SOX5: variants seen among roughly 807,000 people sequenced by gnomAD.
The protein encoded by SOX5 is transcription factor SOX-5.
Under a neutral mutation model 92.0 loss-of-function variants are expected in SOX5, and 9 were observed. The ratio of observed to expected loss-of-function variants is 0.10; its 90% CI spans 0.06 to 0.17. The LOEUF (loss-of-function observed/expected upper bound fraction) is 0.17. Among genes scored for constraint, SOX5 ranks in the 10% least tolerant of loss-of-function variants. The pLI, the probability that SOX5 is intolerant of heterozygous loss-of-function variation, is 1.00. For synonymous variants in SOX5, 344 were observed against 336.3 expected, an observed-to-expected ratio of 1.02 and a Z score of -0.25; for missense variants, 642 against 944.5, an observed-to-expected ratio of 0.68 and a Z score of 4.20.
Position 23,949,656 on chromosome 12 carries a change from C to T in SOX5, c.-55G>A. On this transcript the variant is annotated 5_prime_UTR_variant, in exon 1 of 15. Transcript: ENST00000451604. ...AGCAGCCACCTATGATCGTCTCCAA[C>T]TGAACCTGTCAAGTGAGTCCAAACC... The T allele has an allele frequency of 6.2e-7, 1 of 1,613,716 alleles. No homozygotes were observed.
intron 3 of SOX5, among the ~76,000 whole-genome samples, chr12:23,777,252 A>G (rs1393795844): frequency 1.3e-5 from 2 of 152,244 alleles, no homozygotes; most frequent in Non-Finnish European, 1.5e-5. Context: ...TAATTACAGT[A>G]AAAGAAATGA....
At chr12:24,021,700 C>A (rs1261574152) in intron 4 of SOX5, among the ~76,000 whole-genome samples, 1 of 152,092 alleles carries the variant, frequency 6.6e-6, no homozygotes, top group Non-Finnish European at 1.5e-5. Context: ...GAATGTAATC[C>A]TTCTATGAGA....
intron 1 of SOX5, among the ~76,000 whole-genome samples, chr12:24,555,458 T>A (rs1468100362): frequency 6.6e-6 from 1 of 152,254 alleles, no homozygotes; most frequent in Non-Finnish European, 1.5e-5. Context: ...TCCAATTATA[T>A]GAAATATCCA....
chr12:24,265,522 C>T (rs1170464473), intron 3 of SOX5, among the ~76,000 whole-genome samples: 1 of 151,846 alleles, frequency 6.6e-6, no homozygotes, highest in African/African-American at 2.4e-5. Flanking sequence ...CCAGCCTGGG[C>T]AACAGAGTGA....
At chr12:23,732,212 GA>G (rs143562392) in intron 6 of SOX5, among the ~76,000 whole-genome samples, 4 of 152,034 alleles carry the variant, frequency 2.6e-5, no homozygotes, top group African/African-American at 4.8e-5. Context: ...GAAAAGGGAA[GA>G]AAAAACATTC....
chr12:24,096,171 G>T (rs967339362), intron 4 of SOX5, among the ~76,000 whole-genome samples: 1 of 151,962 alleles, frequency 6.6e-6, no homozygotes. Flanking sequence ...AGAACATGCA[G>T]GTTTGTTATA....
chr12:24,418,708 T>C (rs966275577), intron 1 of SOX5, among the ~76,000 whole-genome samples: 1 of 152,218 alleles, frequency 6.6e-6, no homozygotes, highest in African/African-American at 2.4e-5. Flanking sequence ...AATATTACCT[T>C]TATTATTAAA....
At chr12:23,915,323 C>T (rs1568941337) in intron 1 of SOX5, among the ~76,000 whole-genome samples, 1 of 152,084 alleles carries the variant, frequency 6.6e-6, no homozygotes, top group East Asian at 1.9e-4. Context: ...GGATACGACA[C>T]AATCTAATTA....
intron 4 of SOX5, among the ~76,000 whole-genome samples, chr12:24,175,011 G>A (rs1303161362): frequency 6.6e-6 from 1 of 152,174 alleles, no homozygotes; most frequent in Non-Finnish European, 1.5e-5. Context: ...TTTTGATTAT[G>A]AGGCATCCCT....
intron 7 of SOX5, among the ~76,000 whole-genome samples, chr12:23,646,157 C>A (rs2080824042): frequency 6.6e-6 from 1 of 151,978 alleles, no homozygotes; most frequent in East Asian, 1.9e-4. Flanking sequence ...GGTAGCTAAC[C>A]TTCCTTTTCT....
At chr12:24,375,719 A>T (rs998924251) in intron 1 of SOX5, among the ~76,000 whole-genome samples, 1 of 144,718 alleles carries the variant, frequency 6.9e-6, no homozygotes, top group African/African-American at 2.6e-5. Context: ...CTAGGCAACA[A>T]GAGTGAAACT....
intron 4 of SOX5, among the ~76,000 whole-genome samples, chr12:24,060,237 T>C (rs1236981888): frequency 6.6e-6 from 1 of 152,214 alleles, no homozygotes; most frequent in Non-Finnish European, 1.5e-5. Flanking sequence ...CACTATGAAG[T>C]AGATACAATT....
chr12:24,400,732 C>A (rs1170333230), intron 1 of SOX5, among the ~76,000 whole-genome samples: 1 of 152,182 alleles, frequency 6.6e-6, no homozygotes, highest in East Asian at 1.9e-4. Flanking sequence ...GAATAACCAC[C>A]CCCTCCATGC....
chr12:24,454,690 A>G (rs2137384913), intron 1 of SOX5, among the ~76,000 whole-genome samples: 1 of 152,320 alleles, frequency 6.6e-6, no homozygotes, highest in South Asian at 2.1e-4. Flanking sequence ...TGAATTTTTA[A>G]TATTTGTAAT....
At chr12:24,216,437 T>C (rs1397372166) in intron 3 of SOX5, among the ~76,000 whole-genome samples, 1 of 151,542 alleles carries the variant, frequency 6.6e-6, no homozygotes, top group Non-Finnish European at 1.5e-5. Flanking sequence ...TGAGCCGAGG[T>C]CACGCCACCG....
At chr12:23,742,593 G>T (rs1050311138) in intron 4 of SOX5, among the ~76,000 whole-genome samples, 2 of 152,062 alleles carry the variant, frequency 1.3e-5, no homozygotes, top group African/African-American at 4.8e-5. Context: ...ATTGTTAATA[G>T]AGAAGTAAAT....
intron 2 of SOX5, among the ~76,000 whole-genome samples, chr12:24,294,957 G>A (rs1028633265): frequency 6.6e-6 from 1 of 152,070 alleles, no homozygotes; most frequent in Non-Finnish European, 1.5e-5. Flanking sequence ...GGTAAAATAT[G>A]GAATTCCATT....
intron 4 of SOX5, among the ~76,000 whole-genome samples, chr12:23,965,891 T>C (rs1051943692): frequency 6.6e-6 from 1 of 152,096 alleles, no homozygotes; most frequent in African/African-American, 2.4e-5. Flanking sequence ...AGTGCAGGGA[T>C]TGCAGCTGTG....
intron 3 of SOX5, among the ~76,000 whole-genome samples, chr12:23,800,479 G>C (rs974701676): frequency 2.0e-5 from 3 of 151,870 alleles, no homozygotes; most frequent in African/African-American, 7.3e-5. Context: ...CGTACATGAT[G>C]ATGACTAGTG....
Sources: allele counts gnomAD v4.1 joint callset (sites outside exome capture counted in the v4.1 genomes callset), GRCh38; gene constraint gnomAD v4.1.1; transcripts MANE v1.5; gene names NCBI Gene and HGNC (gene_info 2026-07-23, HGNC 2026-07-21).